The following SLC26A1 variants were observed in gnomAD, a reference collection of about 807,000 sequenced individuals.
SLC26A1 encodes sulfate anion transporter 1.
A neutral mutation model predicts 14.5 loss-of-function variants in SLC26A1; 18 were observed. The ratio of observed to expected loss-of-function variants is 1.24; its 90% CI spans 0.86 to 1.84. The LOEUF is 1.84. SLC26A1 is among the 40% of genes most tolerant of loss of function. SLC26A1 has a pLI of 0.00. For synonymous variants in SLC26A1, 505 were observed against 492.0 expected (o/e 1.03, Z -0.35); for missense variants, 1,049 against 1,020.0 (o/e 1.03, Z -0.39).
At position 988,694 on chromosome 4, in the gene SLC26A1, C is replaced by T. The variant is rs531978423; in HGVS notation, c.*139G>A. 26 of 1,413,020 alleles carry T rather than the reference C, an allele frequency of 1.8e-5. No homozygotes were observed. The highest frequency in any genetic ancestry group is 2.6e-4 in the Middle Eastern group (1 of 3,818). 87.5% of individuals were successfully genotyped at this position (1,413,020 alleles called of 1,614,324 possible). ...GCCTCCTTTCCCAGTTGGGGTTCCC[C>T]GGTTTCCCCAGGGCAGCTGTGGCAC... is the stretch of plus-strand genomic sequence containing the variant. On this transcript the variant is annotated 3_prime_UTR_variant, in exon 3 of 3. Transcript: ENST00000398516.
At position 988,529 on chromosome 4, in the gene SLC26A1, A is replaced by C. The variant is rs929348637; in HGVS notation, c.*304T>G. On this transcript the variant is annotated 3_prime_UTR_variant, in exon 3 of 3. Transcript: ENST00000398516. ...GGGACCCTTGTTCAAATAAGATGTC[A>C]ACCCTGAGCGTCAGGTCAGGCCCAT... The C allele has an allele frequency of 1.4e-5, 17 of 1,212,810 alleles. No homozygotes were observed. The African/African-American group carries it at 2.7e-4, about 19-fold the overall frequency. The allele number at this position is 1,212,810 out of a possible 1,614,324, so 75.1% of individuals were successfully genotyped here.
Position 993,327 on chromosome 4 carries a change from G to C in SLC26A1, c.-54C>G, listed in dbSNP as rs1714515771. ...TGAGGGAGTCCTCACAGGCGCGGAGGGCCCTGGGATGACGAGGGGCTGGCA... is the reference window on the plus strand; with the variant it reads ...TGAGGGAGTCCTCACAGGCGCGGAGCGCCCTGGGATGACGAGGGGCTGGCA... On this transcript the variant is annotated 5_prime_UTR_variant, in exon 1 of 3. Transcript: ENST00000398516. 6.6e-6 allele frequency: 1 copy of C among 152,246 alleles called. No homozygotes were observed. Among genetic ancestry groups the C allele is most frequent in the South Asian group, 2.1e-4 (1 of 4,836 alleles). The allele number at this position is 152,246 out of a possible 1,614,324, so 9.4% of individuals were successfully genotyped here. A position where few individuals can be genotyped will look rare whatever the true frequency, so the allele number is the denominator to read the frequency against.
chr4:985,919 T>C (rs1206057922), downstream of SLC26A1, among the ~76,000 whole-genome samples: 2 of 151,572 alleles, frequency 1.3e-5, no homozygotes, highest in African/African-American at 4.8e-5. Context: ...GACTGTTCTT[T>C]TTTTCTTTTC....
rs2153016055 is a variant in SLC26A1, at chr4:988,641, GTGTT to G, written c.*188_*191del. The G allele has an allele frequency of 3.6e-6, 5 of 1,393,768 alleles. No homozygotes were observed. The highest frequency in any genetic ancestry group is 5.3e-4 in the Middle Eastern group (2 of 3,770). The allele number at this position is 1,393,768 out of a possible 1,614,324, so 86.3% of individuals were successfully genotyped here. ...GGAGGCAGAGGTTCTTGATTTCTGAGTGTTTGGGTCCTGCGTGTGATCAGAGGGC... is the reference window on the plus strand; with the variant it reads ...GGAGGCAGAGGTTCTTGATTTCTGAGTGGGTCCTGCGTGTGATCAGAGGGC... On this transcript the variant is annotated 3_prime_UTR_variant, in exon 3 of 3. Coordinates refer to ENST00000398516, the MANE Select transcript of SLC26A1 (RefSeq NM_022042.4).
In SLC26A1 at chr4:988,311, C is replaced by T. The variant is rs1478546689; in HGVS notation, c.*522G>A. 20 of 1,106,694 alleles carry T rather than the reference C, an allele frequency of 1.8e-5. No homozygotes were observed. The highest frequency in any genetic ancestry group is 1.3e-4 in the African/African-American group (8 of 61,184). The allele number at this position is 1,106,694 out of a possible 1,614,324, so 68.6% of individuals were successfully genotyped here. ...TCGGTCACAGCACCCTGGGCCCTGA[C>T]GCTGGTGCAGGTGGCCACCCTGTGA... On this transcript the variant is annotated 3_prime_UTR_variant, in exon 3 of 3. Coordinates refer to ENST00000398516, the MANE Select transcript of SLC26A1 (RefSeq NM_022042.4).
chr4:992,499 T>C (rs1714442934), intron 1 of SLC26A1, among the ~76,000 whole-genome samples: 1 of 152,206 alleles, frequency 6.6e-6, no homozygotes. Context: ...TCTGAGAATA[T>C]GCCTGGACGG....
downstream of SLC26A1, among the ~76,000 whole-genome samples, chr4:985,028 T>TGG (rs1384155203): frequency 6.6e-6 from 1 of 152,256 alleles, no homozygotes; most frequent in Non-Finnish European, 1.5e-5. Flanking sequence ...TGTCCACAGG[T>TGG]GTCCCGGTGA....
chr4:991,875 G>T, intron 1 of SLC26A1, 145 bp from the exon 2 acceptor site: 1 of 1,459,118 alleles, frequency 6.9e-7, no homozygotes, highest in Non-Finnish European at 9.3e-7. Context: ...CTGGCAGCGC[G>T]GGCCCCAGCC....
chr4:985,475 G>A (rs1424816522), downstream of SLC26A1, among the ~76,000 whole-genome samples: 1 of 152,230 alleles, frequency 6.6e-6, no homozygotes, highest in Non-Finnish European at 1.5e-5. Context: ...CCTGCACCAC[G>A]GTGTGGGACT....
downstream of SLC26A1, among the ~76,000 whole-genome samples, chr4:984,257 T>C (rs577429527): frequency 6.6e-6 from 1 of 152,230 alleles, no homozygotes; most frequent in African/African-American, 2.4e-5. Flanking sequence ...GGTTTTAATA[T>C]TTTTTTCAAT....
At chr4:979,442 C>T (rs145891607) in exon 3 of SLC26A1, 10 of 1,608,128 alleles carry the variant, frequency 6.2e-6, no homozygotes, top group African/African-American at 2.7e-5. Flanking sequence ...GAAGTTCCTG[C>T]GAGTCACTCC....
chr4:979,389 C>G, exon 3 of SLC26A1: 1 of 1,382,258 alleles, frequency 7.2e-7, no homozygotes, highest in Admixed American at 1.9e-5. Context: ...TCGTTGATGT[C>G]GGCATTTCCT....
chr4:991,961 C>T (rs1056265478), intron 1 of SLC26A1: 3 of 782,650 alleles, frequency 3.8e-6, no homozygotes, highest in Non-Finnish European at 6.5e-6. Flanking sequence ...ATTACGACAC[C>T]AAGCCCATGC....
At position 988,882 on chromosome 4, in the gene SLC26A1, G is replaced by A. The variant is rs767773010; in HGVS notation, c.2057C>T (p.Thr686Ile). ...CAGCTCCCTGTGGCGGGCTCGTGCT[G>A]TCTGCACGGCATCGTGCACACTGAG... ...LFLSVHDAVQ[T>I]ARARHRELEA... The change falls in exon 3 of 3, where the codon ACA (threonine) becomes ATA (isoleucine). Residue 686 changes from threonine to isoleucine, a missense_variant. Thr to Ile is a moderately conservative substitution (Grantham distance 89). Transcript: ENST00000398516. 1.1e-5 allele frequency: 18 copies of A among 1,600,980 alleles called. No individual in the cohort carries two copies. The African/African-American group carries it at 1.9e-4, about 17-fold the overall frequency.
intron 2 of SLC26A1, among the ~76,000 whole-genome samples, chr4:980,634 A>G (rs1713511676): frequency 6.6e-6 from 1 of 151,788 alleles, no homozygotes; most frequent in Admixed American, 6.6e-5. Flanking sequence ...GATGGACAGG[A>G]AGTAAAGAGG....
In SLC26A1 at chr4:989,085, C is replaced by A. The variant is rs748205966; in HGVS notation, c.1854G>T (p.Pro618=). ...GFHTVVIDCA[P]LLFLDAAGVS... is the part of the protein sequence containing the mutation. Reference sequence around the variant, plus strand: ...CACCGGCTGCGTCTAGGAACAGCAGCGGGGCGCAGTCGATGACCACTGTGT... The same window carrying A: ...CACCGGCTGCGTCTAGGAACAGCAGAGGGGCGCAGTCGATGACCACTGTGT... The change falls in exon 3 of 3, where the codon CCG becomes CCT. Residue 618 remains proline, a synonymous_variant. Transcript: ENST00000398516. 6.3e-7 allele frequency: 1 copy of A among 1,596,900 alleles called. No individual in the cohort carries two copies. The highest frequency in any genetic ancestry group is 8.5e-7 in the Non-Finnish European group (1 of 1,172,206).
At chr4:979,503 G>A (rs773163184) in exon 3 of SLC26A1, 9 of 1,613,430 alleles carry the variant, frequency 5.6e-6, no homozygotes, top group Admixed American at 1.7e-5. Flanking sequence ...ACCCCAGGAC[G>A]TCTGGAAGGA....
chr4:984,421 G>C (rs1450357762), downstream of SLC26A1, among the ~76,000 whole-genome samples: 2 of 152,132 alleles, frequency 1.3e-5, no homozygotes, highest in Non-Finnish European at 2.9e-5. Context: ...TTAATTTCCA[G>C]AGCAACTTTG....
downstream of SLC26A1, among the ~76,000 whole-genome samples, chr4:985,668 T>G (rs1335777569): frequency 6.6e-6 from 1 of 152,232 alleles, no homozygotes; most frequent in East Asian, 1.9e-4. Flanking sequence ...TCTTACTTTT[T>G]AGTTTCTTAA....
Sources: gnomAD v4.1 joint callset for allele counts (sites outside exome capture counted in the v4.1 genomes callset) on GRCh38, gnomAD v4.1.1 for gene constraint, MANE v1.5 for transcripts, NCBI Gene and HGNC (gene_info 2026-07-23, HGNC 2026-07-21) for gene names.